The following KIF16B variants were observed in gnomAD, a reference collection of about 807,000 sequenced individuals.
The protein encoded by KIF16B is kinesin family member 16B, also known as kinesin-like protein KIF16B.
KIF16B carries 98 observed loss-of-function variants against 156.3 expected under a neutral mutation model. The observed-to-expected ratio is 0.63, with a 90% CI of 0.53 to 0.74. The LOEUF is 0.74. KIF16B is among the 30% of genes least tolerant of loss of function. KIF16B has a pLI of 0.00. For synonymous variants in KIF16B, 564 were observed against 583.7 expected (o/e 0.97, Z 0.49); for missense variants, 1,421 against 1,606.5 (o/e 0.88, Z 1.97).
intron 18 of KIF16B, 93 bp downstream of exon 18, chr20:16,381,576 ATAACAGACACAGAGCAAGGGGGAAG>A (rs1568916239): frequency 1.6e-6 from 1 of 619,506 alleles, no homozygotes; most frequent in Non-Finnish European, 2.6e-6. Flanking sequence ...TAAATAACAG[ATAACAGACACAGAGCAAGGGGGAAG>A]TATTGAAGCA....
intron 12 of KIF16B, among the ~76,000 whole-genome samples, chr20:16,488,775 A>C (rs931875198): frequency 1.3e-5 from 2 of 152,164 alleles, no homozygotes; most frequent in Non-Finnish European, 2.9e-5. Context: ...GTTCCAAGAG[A>C]ATCACTGCAG....
At chr20:16,497,829 C>T in intron 10 of KIF16B, 151 bp from the exon 11 acceptor site, 1 of 599,902 alleles carries the variant, frequency 1.7e-6, no homozygotes, top group Non-Finnish European at 3.0e-6. Context: ...TTGAATATCA[C>T]CAAGTCTTTA....
In KIF16B at chr20:16,526,205, T is replaced by C. The variant is rs1008337789; in HGVS notation, c.118A>G (p.Ile40Val). Reference sequence around the variant, plus strand: ...GAGTCCCCAGTGCCTCCTTCTGGTATCTAGAAAGAAATGATTAGAATAATA... The same window carrying C: ...GAGTCCCCAGTGCCTCCTTCTGGTACCTAGAAAGAAATGATTAGAATAATA... ...KSKTTITNLK[I>V]PEGGTGDSGR... The change falls in exon 3 of 26, where the codon ATA becomes GTA. Residue 40 changes from isoleucine to valine, a missense_variant and splice_region_variant. Coordinates refer to ENST00000354981, the MANE Select transcript of KIF16B (RefSeq NM_024704.5). 6.6e-7 allele frequency: 1 copy of C among 1,522,834 alleles called. No individual in the cohort carries two copies. Among genetic ancestry groups the C allele is most frequent in the Non-Finnish European group, 9.0e-7 (1 of 1,112,170 alleles). The allele number at this position is 1,522,834 out of a possible 1,614,324, so 94.3% of individuals were successfully genotyped here.
At chr20:16,335,902 G>A (rs199586716) in intron 24 of KIF16B, 24 bp downstream of exon 24, 29 of 1,365,240 alleles carry the variant, frequency 2.1e-5, no homozygotes, top group African/African-American at 1.1e-4. Flanking sequence ...GCTCTTAATC[G>A]GAGATAATAA....
chr20:16,473,995 G>A (rs1474642146), intron 12 of KIF16B, among the ~76,000 whole-genome samples: 1 of 152,054 alleles, frequency 6.6e-6, no homozygotes, highest in Non-Finnish European at 1.5e-5. Context: ...TCCAGCCTTG[G>A]CATCTCCTTC....
At chr20:16,389,579 A>G (rs2065313760) in intron 17 of KIF16B, among the ~76,000 whole-genome samples, 1 of 152,196 alleles carries the variant, frequency 6.6e-6, no homozygotes, top group Non-Finnish European at 1.5e-5. Flanking sequence ...ACCATCCCCT[A>G]GGAAACTTCA....
intron 7 of KIF16B, among the ~76,000 whole-genome samples, chr20:16,507,251 T>C (rs2068811448): frequency 1.3e-5 from 2 of 152,186 alleles, no homozygotes; most frequent in Admixed American, 1.3e-4. Context: ...CTGACTGGCC[T>C]TAGAAAACTC....
intron 10 of KIF16B, among the ~76,000 whole-genome samples, chr20:16,503,758 T>C (rs2068690661): frequency 6.6e-6 from 1 of 152,268 alleles, no homozygotes; most frequent in African/African-American, 2.4e-5. Context: ...ACTCTGTACA[T>C]ACACCATGCA....
chr20:16,433,656 G>A lies in KIF16B; in HGVS notation c.1303-3674C>T, dbSNP rs78200406. Among the ~76,000 whole-genome samples the A allele has an allele frequency of 5.9e-3, 890 of 151,772 alleles. 7 individuals carry two copies. The highest frequency in any genetic ancestry group is 0.02 in the African/African-American group (828 of 41,380). ...ACATACACTTCCATATATATAATGG[G>A]TAAAATCTGAATTAAGAGAAAGTTT... On this transcript the variant is annotated intron_variant, in intron 12 of 25. Coordinates refer to ENST00000354981, the MANE Select transcript of KIF16B (RefSeq NM_024704.5).
intron 19 of KIF16B, among the ~76,000 whole-genome samples, chr20:16,376,806 C>T (rs778892037): frequency 1.3e-5 from 2 of 152,208 alleles, no homozygotes; most frequent in Non-Finnish European, 2.9e-5. Flanking sequence ...ACACTACAGG[C>T]TACAAATTGA....
intron 17 of KIF16B, among the ~76,000 whole-genome samples, chr20:16,383,153 C>A (rs914822913): frequency 6.6e-6 from 1 of 152,034 alleles, no homozygotes; most frequent in African/African-American, 2.4e-5. Context: ...CTTTTTTAGG[C>A]AGAACTGAGT....
chr20:16,280,906 T>G (rs1180070787), intron 25 of KIF16B, among the ~76,000 whole-genome samples: 1 of 151,178 alleles, frequency 6.6e-6, no homozygotes, highest in African/African-American at 2.4e-5. Context: ...GGCCTTCAGA[T>G]GCCTTTGAAA....
intron 17 of KIF16B, among the ~76,000 whole-genome samples, chr20:16,391,258 G>A (rs1600272695): frequency 6.6e-6 from 1 of 152,132 alleles, no homozygotes; most frequent in Non-Finnish European, 1.5e-5. Context: ...AGGTCCAGAT[G>A]ACACACTCTC....
chr20:16,379,013 TG>T lies in KIF16B; in HGVS notation c.2988del (p.Arg997GlufsTer43). The T allele has an allele frequency of 6.2e-7, 1 of 1,612,992 alleles. No individual in the cohort carries two copies. Among genetic ancestry groups the T allele is most frequent in the Non-Finnish European group, 8.5e-7 (1 of 1,179,512 alleles). On this transcript the variant is annotated frameshift_variant, in exon 19 of 26. Coordinates refer to ENST00000354981, the MANE Select transcript of KIF16B (RefSeq NM_024704.5). LOFTEE classifies it high-confidence loss of function. Reference protein sequence around the residue: ...VRKKEKEILESREKQQREALE... With the variant: ...VRKKEKEILEXREKQQREALE... ...AGCGCCTCTCTCTGCTGCTTCTCTC[TG>T]GACTCCAAAATCTCCTTTTCCTTTT...
At chr20:16,561,288 T>C (rs1314331068) in intron 1 of KIF16B, among the ~76,000 whole-genome samples, 1 of 152,066 alleles carries the variant, frequency 6.6e-6, no homozygotes. Flanking sequence ...AGCAAGACTC[T>C]GTCTCAAAAA....
chr20:16,564,930 C>T (rs1325261273), intron 1 of KIF16B, among the ~76,000 whole-genome samples: 7 of 152,084 alleles, frequency 4.6e-5, no homozygotes, highest in Non-Finnish European at 1.0e-4. Flanking sequence ...AGCCTTGAGC[C>T]CCCTGGTCAG....
At chr20:16,479,065 A>G (rs555238083) in intron 12 of KIF16B, among the ~76,000 whole-genome samples, 1 of 152,344 alleles carries the variant, frequency 6.6e-6, no homozygotes, top group Non-Finnish European at 1.5e-5. Context: ...TGAATAAACT[A>G]TGGTATAGCC....
At chr20:16,505,618 G>C (rs2068750726) in intron 9 of KIF16B, 104 bp downstream of exon 9, 1 of 995,128 alleles carries the variant, frequency 1.0e-6, no homozygotes, top group Non-Finnish European at 1.5e-6. Flanking sequence ...ACTTTTTTAA[G>C]ATGTAAAAGG....
At chr20:16,457,792 C>T (rs561850580) in intron 12 of KIF16B, among the ~76,000 whole-genome samples, 1 of 151,776 alleles carries the variant, frequency 6.6e-6, no homozygotes, top group East Asian at 1.9e-4. Flanking sequence ...GGACTTGAAA[C>T]AGGGCAAAAA....
Sources: gnomAD v4.1 joint callset for allele counts (sites outside exome capture counted in the v4.1 genomes callset) on GRCh38, gnomAD v4.1.1 for gene constraint, MANE v1.5 for transcripts, NCBI Gene and HGNC (gene_info 2026-07-23, HGNC 2026-07-21) for gene names.